The following PTAR1 variants were observed in gnomAD, a reference collection of about 807,000 sequenced individuals.
The protein encoded by PTAR1 is protein prenyltransferase alpha subunit repeat-containing protein 1.
A neutral mutation model predicts 45.5 loss-of-function variants in PTAR1; 17 were observed. That is an observed-to-expected ratio of 0.37 (90% CI 0.26 to 0.56). PTAR1 has a LOEUF of 0.56. PTAR1 is among the 20% of genes least tolerant of loss of function. The pLI, the probability that PTAR1 is intolerant of heterozygous loss-of-function variation, is 0.77. For synonymous variants in PTAR1, 169 were observed against 171.3 expected (o/e 0.99, Z 0.11); for missense variants, 391 against 476.3 (o/e 0.82, Z 1.67).
At chr9:69,748,713 A>T (rs1296359451) in intron 2 of PTAR1, among the ~76,000 whole-genome samples, 1 of 152,148 alleles carries the variant, frequency 6.6e-6, no homozygotes, top group Non-Finnish European at 1.5e-5. Flanking sequence ...TTTTCATGAA[A>T]TAACTGCTTT....
Position 69,747,642 on chromosome 9 carries a change from C to A in PTAR1, c.256+3139G>T, listed in dbSNP as rs906824000. Reference sequence around the variant, plus strand: ...GCTGTGATAAACTGGAACAGACATGCCCAGTTACGAAGAGTAGAGGCTGTA... The same window carrying A: ...GCTGTGATAAACTGGAACAGACATGACCAGTTACGAAGAGTAGAGGCTGTA... On this transcript the variant is annotated intron_variant, in intron 2 of 7. Transcript: ENST00000340434. Among the ~76,000 whole-genome samples the A allele has an allele frequency of 8.5e-5, 13 of 152,246 alleles. No homozygotes were observed. In the Middle Eastern group the frequency reaches 0.01, roughly 120 times the overall value.
intron 6 of PTAR1, 76 bp from the exon 7 acceptor site, chr9:69,718,760 G>C (rs773660635): frequency 1.6e-6 from 2 of 1,233,522 alleles, no homozygotes; most frequent in African/African-American, 1.5e-5. Context: ...AAAAAAGTTT[G>C]CAATTTCAAA....
chr9:69,751,041 A>G (rs1456843310), intron 1 of PTAR1, 91 bp from the exon 2 acceptor site: 7 of 874,404 alleles, frequency 8.0e-6, no homozygotes, highest in Non-Finnish European at 1.2e-5. Context: ...AAAACCCCAC[A>G]TATTTCCCCC....
intron 5 of PTAR1, 38 bp from the exon 6 acceptor site, chr9:69,723,668 CCCAAAGGTTCTTCTTTCT>C (rs1330895564): frequency 6.8e-7 from 1 of 1,463,198 alleles, no homozygotes; most frequent in African/African-American, 1.4e-5. Context: ...AAGAAGAGTT[CCCAAAGGTTCTTCTTTCT>C]CCATTATTGC....
At chr9:69,757,816 A>G (rs1446225478) in intron 1 of PTAR1, 1 of 152,094 alleles carries the variant, frequency 6.6e-6, no homozygotes, top group Non-Finnish European at 1.5e-5. Flanking sequence ...AATTAAGGGA[A>G]GAAAGCGCAG....
In PTAR1 at chr9:69,738,339, T is replaced by G. The variant is rs550772341; in HGVS notation, c.323+3453A>C. 8.5e-5 allele frequency among the ~76,000 whole-genome samples: 13 copies of G among 152,328 alleles called. No homozygotes were observed. The South Asian group carries it at 2.7e-3, about 32-fold the overall frequency. On this transcript the variant is annotated intron_variant, in intron 3 of 7. Coordinates refer to ENST00000340434, the MANE Select transcript of PTAR1 (RefSeq NM_001099666.2). Reference sequence around the variant, plus strand: ...CCTGGCTGAGTTCAGGTTTCTTCACTACTTTTTGCAAGAAAGTCACTGATT... The same window carrying G: ...CCTGGCTGAGTTCAGGTTTCTTCACGACTTTTTGCAAGAAAGTCACTGATT...
At chr9:69,752,751 A>T (rs1475072597) in intron 1 of PTAR1, among the ~76,000 whole-genome samples, 1 of 152,054 alleles carries the variant, frequency 6.6e-6, no homozygotes, top group Non-Finnish European at 1.5e-5. Flanking sequence ...AAAGTCCTGT[A>T]GGAAGAATAA....
In PTAR1 at chr9:69,715,504, G is replaced by A. The variant is rs1253703819; in HGVS notation, c.*2838C>T. The A allele has an allele frequency of 6.6e-6, 1 of 152,130 alleles. No individual in the cohort carries two copies. The highest frequency in any genetic ancestry group is 1.9e-4 in the East Asian group (1 of 5,184). The allele number at this position is 152,130 out of a possible 1,614,324, so 9.4% of individuals were successfully genotyped here. A position where few individuals can be genotyped will look rare whatever the true frequency, so the allele number is the denominator to read the frequency against. ...CTAAAGGCGGGGTGAAGGTGGTGTT[G>A]GAGACAGTTACAGAGCTTAATGCTT... On this transcript the variant is annotated 3_prime_UTR_variant, in exon 8 of 8. Coordinates refer to ENST00000340434, the MANE Select transcript of PTAR1 (RefSeq NM_001099666.2).
At chr9:69,742,412 T>C (rs1826081748) in intron 2 of PTAR1, among the ~76,000 whole-genome samples, 1 of 152,126 alleles carries the variant, frequency 6.6e-6, no homozygotes, top group African/African-American at 2.4e-5. Context: ...TGCATCCTCC[T>C]ATATTGCTAG....
chr9:69,749,637 C>A (rs1381573698), intron 2 of PTAR1, among the ~76,000 whole-genome samples: 1 of 151,942 alleles, frequency 6.6e-6, no homozygotes, highest in Admixed American at 6.6e-5. Flanking sequence ...GCTCATTAAA[C>A]CTTCAGAGTC....
chr9:69,734,167 TG>T lies in PTAR1; in HGVS notation c.410del (p.Pro137GlnfsTer14). The T allele has an allele frequency of 6.3e-7, 1 of 1,580,962 alleles. No homozygotes were observed. Among genetic ancestry groups the T allele is most frequent in the Non-Finnish European group, 8.7e-7 (1 of 1,152,894 alleles). The stretch of plus-strand genomic sequence containing the variant: ...AACCACACCTGTGAATCCATGTTTC[TG>T]GACTCTTTGGAAACTTGGTTAAGGC... Reference protein sequence around the residue: ...KLALTKFPKSPETWIHRRWVL... With the variant: ...KLALTKFPKSXETWIHRRWVL... On this transcript the variant is annotated frameshift_variant, in exon 4 of 8. Transcript: ENST00000340434. LOFTEE classifies it high-confidence loss of function.
At position 69,720,105 on chromosome 9, in the gene PTAR1, A is replaced by C. The variant is rs150659893; in HGVS notation, c.948-1421T>G. ...AGTCACAGGTCTCTCACTTTAAATC[A>C]AAAGCTAGAAATGATTAAGCTAAGT... On this transcript the variant is annotated intron_variant, in intron 6 of 7. Transcript: ENST00000340434. 5.2e-3 allele frequency among the ~76,000 whole-genome samples: 785 copies of C among 152,354 alleles called. 4 individuals are homozygous for C. The highest frequency in any genetic ancestry group is 7.0e-3 in the Non-Finnish European group (477 of 68,030).
chr9:69,718,764 T>C (rs1358504635), intron 6 of PTAR1, 80 bp from the exon 7 acceptor site: 2 of 1,099,362 alleles, frequency 1.8e-6, no homozygotes, highest in African/African-American at 3.2e-5. Context: ...AAGTTTGCAA[T>C]TTCAAAACAT....
At chr9:69,757,755 TAAAAA>T (rs5898095) in intron 1 of PTAR1, 1 of 147,254 alleles carries the variant, frequency 6.8e-6, no homozygotes, top group African/African-American at 2.5e-5. Context: ...AACAATGCCT[TAAAAA>T]AAAAAAAAGA....
chr9:69,729,197 G>A (rs1280215413), intron 5 of PTAR1, among the ~76,000 whole-genome samples: 2 of 152,130 alleles, frequency 1.3e-5, no homozygotes, highest in Non-Finnish European at 2.9e-5. Flanking sequence ...GTGGGTGCCT[G>A]TAATCCCAGC....
intron 6 of PTAR1, among the ~76,000 whole-genome samples, chr9:69,719,796 T>C (rs1166031986): frequency 6.6e-6 from 1 of 152,194 alleles, no homozygotes; most frequent in Non-Finnish European, 1.5e-5. Flanking sequence ...GTAACATTAC[T>C]AATATTTCAA....
chr9:69,724,113 T>A (rs1298531161), intron 5 of PTAR1, among the ~76,000 whole-genome samples: 2 of 152,164 alleles, frequency 1.3e-5, no homozygotes. Flanking sequence ...TTCTTCAATA[T>A]AAATGTCATG....
intron 4 of PTAR1, 89 bp downstream of exon 4, chr9:69,734,061 A>G (rs962585836): frequency 3.9e-5 from 30 of 765,262 alleles, no homozygotes; most frequent in South Asian, 6.7e-5. Context: ...TCTGGAACCA[A>G]TAAGTAACCT....
chr9:69,753,378 C>T (rs1386178636), intron 1 of PTAR1, among the ~76,000 whole-genome samples: 1 of 152,094 alleles, frequency 6.6e-6, no homozygotes, highest in Admixed American at 6.5e-5. Flanking sequence ...TATCCTGGTA[C>T]TTTAGTGATA....
Sources: allele counts gnomAD v4.1 joint callset (sites outside exome capture counted in the v4.1 genomes callset), GRCh38; gene constraint gnomAD v4.1.1; transcripts MANE v1.5; gene names NCBI Gene and HGNC (gene_info 2026-07-23, HGNC 2026-07-21).